Variants in TTLL1 observed in about 807,000 individuals in gnomAD.
The protein encoded by TTLL1 is TTL family tubulin polyglutamylase complex subunit L1, also known as polyglutamylase complex subunit TTLL1.
Under a neutral mutation model 47.8 loss-of-function variants are expected in TTLL1, and 33 were observed. That is an observed-to-expected ratio of 0.69 (90% confidence interval 0.52 to 0.92). The LOEUF is 0.92. Ranked by LOEUF, TTLL1 falls within the 40% of genes least tolerant of loss-of-function variation. The pLI is 0.00. For synonymous variants in TTLL1, 225 were observed against 214.1 expected (o/e 1.05, Z -0.45); for missense variants, 488 against 547.5 (o/e 0.89, Z 1.08).
Position 43,039,699 on chromosome 22 carries a change from C to A in TTLL1, c.*77G>T. 1 of 1,479,312 alleles carries A rather than the reference C, an allele frequency of 6.8e-7. No individual in the cohort carries two copies. The highest frequency in any genetic ancestry group is 1.4e-5 in the African/African-American group (1 of 70,432). The allele number at this position is 1,479,312 out of a possible 1,614,324, so 91.6% of individuals were successfully genotyped here. On this transcript the variant is annotated 3_prime_UTR_variant, in exon 11 of 11. Transcript: ENST00000266254. Reference sequence around the variant, plus strand: ...GGCTTAGGAAAGGAAAAAAGCTCTACAAAAGGGAAATTTCAAAATAGGGCT... The same window carrying A: ...GGCTTAGGAAAGGAAAAAAGCTCTAAAAAAGGGAAATTTCAAAATAGGGCT...
chr22:43,088,311 GAGA>G (rs1044391408), intron 1 of TTLL1, among the ~76,000 whole-genome samples: 1 of 137,046 alleles, frequency 7.3e-6, no homozygotes, highest in Non-Finnish European at 1.5e-5. Context: ...TTTGAGGGCA[GAGA>G]AGGGCCCATC....
intron 2 of TTLL1, 41 bp from the exon 3 acceptor site, chr22:43,075,631 G>C (rs769033810): frequency 6.4e-7 from 1 of 1,555,168 alleles, no homozygotes; most frequent in Non-Finnish European, 8.9e-7. Flanking sequence ...AACTTCAACA[G>C]CTCACTTCCC....
intron 2 of TTLL1, among the ~76,000 whole-genome samples, chr22:43,079,454 A>G (rs758997501): frequency 3.3e-5 from 5 of 152,252 alleles, no homozygotes; most frequent in Non-Finnish European, 7.3e-5. Context: ...GGCCACGCCA[A>G]TGGCTCAGGG....
Position 43,068,550 on chromosome 22 carries a change from G to A in TTLL1, c.363C>T (p.Asn121=), listed in dbSNP as rs768431621. Residue 121 remains asparagine (N), a synonymous_variant, in exon 5 of 11, where the codon AAC becomes AAT. Coordinates refer to ENST00000266254, the MANE Select transcript of TTLL1 (RefSeq NM_012263.5). The stretch of plus-strand genomic sequence containing the variant: ...TCTTCCGGAACTCCTCTACAAACAG[G>A]TTGTAGTCAGCGGGCAGCATATAGG... The part of the protein sequence containing the change: ...PVTYMLPADY[N]LFVEEFRKSP... The A allele has an allele frequency of 3.2e-6, 5 of 1,553,474 alleles. No individual in the cohort carries two copies. The African/African-American group carries it at 5.4e-5, about 17-fold the overall frequency.
intron 3 of TTLL1, chr22:43,070,082 C>A: frequency 7.8e-7 from 1 of 1,273,932 alleles, no homozygotes. Flanking sequence ...CTGTTTCCCT[C>A]TCTGGCCCGG....
chr22:43,064,039 C>T (rs926775765), intron 6 of TTLL1, 118 bp from the exon 7 acceptor site: 17 of 1,473,616 alleles, frequency 1.2e-5, no homozygotes, highest in Admixed American at 7.4e-5. Context: ...ACATCGGCAT[C>T]GGGCCTGACT....
chr22:43,039,865 C>T lies in TTLL1; in HGVS notation c.1183G>A (p.Glu395Lys). ...ELAQGDGADR[E>K]LRSRQGQSLG... The stretch of plus-strand genomic sequence containing the variant: ...GACTGACCCTGACGGCTTCTCAGCT[C>T]CCGGTCAGCCCCGTCACCCTGGGCC... Residue 395 changes from glutamate (E) to lysine (K), a missense_variant, in exon 11 of 11, where the codon GAG becomes AAG. Transcript: ENST00000266254. 1 of 1,613,918 alleles carries T rather than the reference C, an allele frequency of 6.2e-7. No individual in the cohort carries two copies. Among genetic ancestry groups the T allele is most frequent in the Non-Finnish European group, 8.5e-7 (1 of 1,180,018 alleles).
rs1416904065 is a variant in TTLL1, at chr22:43,039,770, T to C, written c.*6A>G. 3 of 1,607,940 alleles carry C rather than the reference T, an allele frequency of 1.9e-6. No individual in the cohort carries two copies. The highest frequency in any genetic ancestry group is 1.7e-6 in the Non-Finnish European group (2 of 1,175,964). ...GTGAGTAGTTTTGATAAGGTCCAGG[T>C]GGGACTCACTTCCAGGTGGTGAGGA... On this transcript the variant is annotated 3_prime_UTR_variant, in exon 11 of 11. Coordinates refer to ENST00000266254, the MANE Select transcript of TTLL1 (RefSeq NM_012263.5).
rs547298145 is a variant in TTLL1, at chr22:43,044,310, C to T, written c.1142+2100G>A. ...TACCCTGTAGAGGCCCCGAGGTTGC[C>T]GGCAAGCCCAGTATACTTCCATCTA... On this transcript the variant is annotated intron_variant, in intron 10 of 10. Transcript: ENST00000266254. 5.3e-5 allele frequency among the ~76,000 whole-genome samples: 8 copies of T among 152,222 alleles called. No homozygotes were observed. The South Asian group carries it at 1.0e-3, about 20-fold the overall frequency.
intron 8 of TTLL1, among the ~76,000 whole-genome samples, chr22:43,052,520 A>T (rs946284765): frequency 1.3e-5 from 2 of 151,754 alleles, no homozygotes; most frequent in Non-Finnish European, 2.9e-5. Flanking sequence ...TGGGAGGATC[A>T]CTTGAGCCCA....
rs1929375639 is a variant in TTLL1 at position 43,088,324 on chromosome 22, C to CCTTTTT, written c.-90+952_-90+953insAAAAAG. On this transcript the variant is annotated intron_variant, in intron 1 of 10. Coordinates refer to ENST00000266254, the MANE Select transcript of TTLL1 (RefSeq NM_012263.5). ...AATTTGAGGGCAGAGAAGGGCCCAT[C>CCTTTTT]TTTTTTTTTTTTTTTTTTTTTTTTT... Among the ~76,000 whole-genome samples, 230 of 56,498 alleles carry CCTTTTT rather than the reference C, an allele frequency of 4.1e-3. 1 individual carries two copies. The highest frequency in any genetic ancestry group is 0.016 in the African/African-American group (221 of 13,670). The allele number at this position is 56,498 out of a possible 152,430, so 37.1% of individuals were successfully genotyped here. A position where few individuals can be genotyped will look rare whatever the true frequency, so the allele number is the denominator to read the frequency against.
chr22:43,068,475 CT>C lies in TTLL1; in HGVS notation c.437del (p.Lys146ArgfsTer34). ...AGAGCTTGTTGATAAGGAAGATGCCCTTTCCCTGGGCCTTGCCACAAGGCTT... is the reference window on the plus strand; with the variant it reads ...AGAGCTTGTTGATAAGGAAGATGCCCTTCCCTGGGCCTTGCCACAAGGCTT... ...IMKPCGKAQG[K>X]GIFLINKLSQ... On this transcript the variant is annotated frameshift_variant, in exon 5 of 11. Coordinates refer to ENST00000266254, the MANE Select transcript of TTLL1 (RefSeq NM_012263.5). LOFTEE classifies it high-confidence loss of function. 6.3e-7 allele frequency: 1 copy of C among 1,576,984 alleles called. No homozygotes were observed. The highest frequency in any genetic ancestry group is 8.7e-7 in the Non-Finnish European group (1 of 1,152,134).
At position 43,069,645 on chromosome 22, in the gene TTLL1, G is replaced by A; in HGVS notation, c.313C>T (p.Leu105Phe). 6.2e-7 allele frequency: 1 copy of A among 1,614,150 alleles called. No homozygotes were observed. Among genetic ancestry groups the A allele is most frequent in the Non-Finnish European group, 8.5e-7 (1 of 1,180,038 alleles). Residue 105 changes from leucine (L) to phenylalanine (F), a missense_variant, in exon 4 of 11, where the codon CTC (leucine) becomes TTC (phenylalanine). Leu to Phe is a conservative substitution (Grantham distance 22). Transcript: ENST00000266254. ...TGGAAGACGCACAAACCCAGATAGA[G>A]GTATTTTCCATTTTCATCTTTTTCT... Reference protein sequence around the residue: ...LAEKDENGKYLYLDFVPVTYM... With the variant: ...LAEKDENGKYFYLDFVPVTYM...
At chr22:43,088,324 CTTTTTTTTTTTTTTTTTTTT>C (rs1167618669) in intron 1 of TTLL1, among the ~76,000 whole-genome samples, 1 of 56,468 alleles carries the variant, frequency 1.8e-5, no homozygotes, top group African/African-American at 7.3e-5. Flanking sequence ...AAGGGCCCAT[CTTTTTTTTTTTTTTTTTTTT>C]TTTTTTTTTT....
intron 4 of TTLL1, among the ~76,000 whole-genome samples, chr22:43,068,990 T>G (rs1356851510): frequency 6.6e-6 from 1 of 151,986 alleles, no homozygotes; most frequent in African/African-American, 2.4e-5. Context: ...CTTCCCTGGG[T>G]ATAGCCAGAC....
intron 3 of TTLL1, 106 bp downstream of exon 3, chr22:43,075,368 T>C (rs1011220659): frequency 1.1e-6 from 1 of 902,154 alleles, no homozygotes; most frequent in African/African-American, 1.7e-5. Flanking sequence ...GATGGCACAA[T>C]GACAGGAGAC....
chr22:43,070,265 G>A, intron 3 of TTLL1: 1 of 1,218,508 alleles, frequency 8.2e-7, no homozygotes, highest in Non-Finnish European at 1.1e-6. Flanking sequence ...AATCACAGGG[G>A]TTATTTAAGG....
chr22:43,071,399 T>C (rs1407762236), intron 3 of TTLL1, among the ~76,000 whole-genome samples: 1 of 151,330 alleles, frequency 6.6e-6, no homozygotes, highest in East Asian at 1.9e-4. Context: ...TTTTGTTTTG[T>C]TTTGTTTTGT....
intron 8 of TTLL1, among the ~76,000 whole-genome samples, chr22:43,056,337 G>A (rs1296734232): frequency 1.5e-5 from 2 of 129,582 alleles, no homozygotes; most frequent in Admixed American, 8.3e-5. Context: ...CCAGCCTGGC[G>A]ACACAGCGAG....
Sources: gnomAD v4.1 joint callset for allele counts (sites outside exome capture counted in the v4.1 genomes callset) on GRCh38, gnomAD v4.1.1 for gene constraint, MANE v1.5 for transcripts, NCBI Gene and HGNC (gene_info 2026-07-23, HGNC 2026-07-21) for gene names.